The following RERE variants were observed in gnomAD, a reference collection of about 807,000 sequenced individuals.
The protein encoded by RERE is arginine-glutamic acid dipeptide repeats protein.
A neutral mutation model predicts 146.1 loss-of-function variants in RERE; 40 were observed. The ratio of observed to expected loss-of-function variants is 0.27; its 90% CI spans 0.21 to 0.36. The LOEUF (loss-of-function observed/expected upper bound fraction) is 0.36, where lower values mean the gene tolerates loss of function less well. Among genes scored for constraint, RERE ranks in the 10% least tolerant of loss-of-function variants. RERE has a pLI of 1.00. For synonymous variants in RERE, 1,003 were observed against 866.0 expected (o/e 1.16, Z -2.78); for missense variants, 1,933 against 2,138.7 (o/e 0.90, Z 1.90).
intron 1 of RERE, among the ~76,000 whole-genome samples, chr1:8,751,553 G>C (rs187234837): frequency 7.2e-4 from 109 of 152,186 alleles, no homozygotes; most frequent in Admixed American, 6.9e-3. Flanking sequence ...AGTTAGTTTT[G>C]CTCTGATGAT....
At position 8,730,533 on chromosome 1, in the gene RERE, G is replaced by A. The variant is rs181918093; in HGVS notation, c.-144-74092C>T. Among the ~76,000 whole-genome samples, 14 of 152,276 alleles carry A rather than the reference G, an allele frequency of 9.2e-5. No individual in the cohort carries two copies. The East Asian group carries it at 1.9e-3, about 21-fold the overall frequency. On this transcript the variant is annotated intron_variant, in intron 1 of 22. Coordinates refer to ENST00000400908, the MANE Select transcript of RERE (RefSeq NM_001042681.2). ...AATTTTTGTATTTTTAGTAGAGACA[G>A]GGTTTCACCATGTTGGTCAGGCTGG...
At chr1:8,557,732 C>T (rs1232955339) in intron 4 of RERE, among the ~76,000 whole-genome samples, 4 of 152,170 alleles carry the variant, frequency 2.6e-5, no homozygotes, top group East Asian at 1.9e-4. Flanking sequence ...TCTCACCTTA[C>T]CCCTCTAAAC....
intron 1 of RERE, among the ~76,000 whole-genome samples, chr1:8,685,175 G>C (rs1382665566): frequency 6.6e-6 from 1 of 152,090 alleles, no homozygotes; most frequent in Non-Finnish European, 1.5e-5. Context: ...GGATTTTAAA[G>C]AACTAATTTG....
chr1:8,807,695 G>GA (rs1055779738), intron 1 of RERE, among the ~76,000 whole-genome samples: 1 of 151,820 alleles, frequency 6.6e-6, no homozygotes, highest in Non-Finnish European at 1.5e-5. Context: ...GTGCAAGATA[G>GA]AAAAAAAAGT....
intron 1 of RERE, among the ~76,000 whole-genome samples, chr1:8,749,768 G>T (rs1314260377): frequency 6.6e-6 from 1 of 152,178 alleles, no homozygotes; most frequent in Non-Finnish European, 1.5e-5. Context: ...TTTACTCCCA[G>T]CAGAATGAGA....
At chr1:8,409,874 T>C (rs536086797) in intron 12 of RERE, among the ~76,000 whole-genome samples, 3 of 152,224 alleles carry the variant, frequency 2.0e-5, no homozygotes, top group South Asian at 2.1e-4. Context: ...CATGATGATG[T>C]TGGGCTCTGG....
intron 2 of RERE, among the ~76,000 whole-genome samples, chr1:8,654,218 G>A (rs1192409403): frequency 6.6e-6 from 1 of 151,778 alleles, no homozygotes; most frequent in Non-Finnish European, 1.5e-5. Flanking sequence ...TTACTGTTTT[G>A]CAGAGATACG....
At chr1:8,418,240 T>C (rs1198020381) in intron 12 of RERE, among the ~76,000 whole-genome samples, 1 of 152,152 alleles carries the variant, frequency 6.6e-6, no homozygotes, top group African/African-American at 2.4e-5. Flanking sequence ...TGAATGAAAA[T>C]GAGTTTCCAG....
chr1:8,547,813 A>G (rs949943430), intron 6 of RERE, among the ~76,000 whole-genome samples: 2 of 152,228 alleles, frequency 1.3e-5, no homozygotes, highest in African/African-American at 4.8e-5. Flanking sequence ...AATATGTAAC[A>G]AACCGCATAG....
Position 8,514,175 on chromosome 1 carries a change from T to C in RERE, c.831-5500A>G, listed in dbSNP as rs567375257. Among the ~76,000 whole-genome samples the C allele has an allele frequency of 1.3e-4, 20 of 152,388 alleles. No individual in the cohort carries two copies. In the Middle Eastern group the frequency reaches 0.02, roughly 155 times the overall value. ...AAGTTCAAATCTTAGCCTTGTCAAA[T>C]AGTATCAGTGTTTTCCTTGAAATAA... On this transcript the variant is annotated intron_variant, in intron 7 of 22. Transcript: ENST00000400908.
intron 12 of RERE, among the ~76,000 whole-genome samples, chr1:8,397,635 C>T (rs1643100536): frequency 6.6e-6 from 1 of 152,160 alleles, no homozygotes; most frequent in East Asian, 1.9e-4. Context: ...TGGCAATAAC[C>T]CAACTGTGCT....
At chr1:8,355,708 G>A (rs1641263849) in intron 21 of RERE, 109 bp from the exon 22 acceptor site, 3 of 941,492 alleles carry the variant, frequency 3.2e-6, no homozygotes, top group Non-Finnish European at 4.6e-6. Context: ...GTGCCAGTTC[G>A]GACACAGGAG....
intron 7 of RERE, chr1:8,512,044 T>G (rs1183442914): frequency 3.5e-4 from 43 of 122,746 alleles, no homozygotes; most frequent in African/African-American, 1.4e-3. Context: ...TTTTTTTTTT[T>G]GAGACGGAGT....
chr1:8,534,279 A>G (rs1570403748), intron 7 of RERE, among the ~76,000 whole-genome samples: 1 of 152,358 alleles, frequency 6.6e-6, no homozygotes, highest in Non-Finnish European at 1.5e-5. Context: ...GTGACAGAAA[A>G]TTAAGAAATA....
intron 4 of RERE, among the ~76,000 whole-genome samples, chr1:8,572,506 CT>C (rs749653100): frequency 6.6e-6 from 1 of 152,134 alleles, no homozygotes; most frequent in African/African-American, 2.4e-5. Flanking sequence ...GTAATATGGT[CT>C]CAGGAAATTC....
chr1:8,493,232 T>A (rs1369447210), intron 10 of RERE, among the ~76,000 whole-genome samples: 1 of 152,220 alleles, frequency 6.6e-6, no homozygotes, highest in Non-Finnish European at 1.5e-5. Flanking sequence ...ATCATCAACC[T>A]CTGAGTTTCA....
intron 11 of RERE, among the ~76,000 whole-genome samples, chr1:8,436,075 C>G (rs748481446): frequency 6.6e-6 from 1 of 152,218 alleles, no homozygotes; most frequent in Non-Finnish European, 1.5e-5. Flanking sequence ...AATCCCAGCA[C>G]TTTGGGAGGC....
At chr1:8,796,043 AACT>A in intron 1 of RERE, among the ~76,000 whole-genome samples, 1 of 152,150 alleles carries the variant, frequency 6.6e-6, no homozygotes, top group South Asian at 2.1e-4. Flanking sequence ...TTATGTTTTA[AACT>A]ACTATCATAT....
chr1:8,559,770 G>C (rs1646056246), intron 4 of RERE, among the ~76,000 whole-genome samples: 1 of 152,130 alleles, frequency 6.6e-6, no homozygotes, highest in African/African-American at 2.4e-5. Flanking sequence ...AGCCATTCTG[G>C]GGAAATATGG....
Sources: gnomAD v4.1 joint callset for allele counts (sites outside exome capture counted in the v4.1 genomes callset) on GRCh38, gnomAD v4.1.1 for gene constraint, MANE v1.5 for transcripts, NCBI Gene and HGNC (gene_info 2026-07-23, HGNC 2026-07-21) for gene names.